DTD1: variants seen among roughly 807,000 people sequenced by gnomAD.
DTD1 encodes D-tyrosyl-tRNA deacylase 1 homolog.
DTD1 carries 13 observed loss-of-function variants against 25.6 expected under a neutral mutation model. The observed-to-expected ratio is 0.51, with a 90% CI of 0.33 to 0.81. DTD1 has a LOEUF of 0.81. DTD1 is among the 30% of genes least tolerant of loss of function. The pLI, the probability that DTD1 is intolerant of heterozygous loss-of-function variation, is 0.02. For missense variants in DTD1, 193 were observed against 266.4 expected, an observed-to-expected ratio of 0.72 and a Z score of 1.92; for synonymous variants, 110 against 103.6, an observed-to-expected ratio of 1.06 and a Z score of -0.37.
intron 3 of DTD1, among the ~76,000 whole-genome samples, chr20:18,600,742 A>G (rs997386042): frequency 6.6e-6 from 1 of 152,208 alleles, no homozygotes; most frequent in South Asian, 2.1e-4. Flanking sequence ...AACATGGAAT[A>G]TCTCTCCATT....
At chr20:18,663,123 T>C (rs936876218) in intron 4 of DTD1, among the ~76,000 whole-genome samples, 5 of 152,148 alleles carry the variant, frequency 3.3e-5, no homozygotes, top group Non-Finnish European at 7.4e-5. Flanking sequence ...GGCTTTTCCT[T>C]TGAAAAGGTC....
intron 4 of DTD1, among the ~76,000 whole-genome samples, chr20:18,648,318 A>T (rs1346256593): frequency 6.6e-6 from 1 of 152,132 alleles, no homozygotes; most frequent in African/African-American, 2.4e-5. Flanking sequence ...GAAAATTCCC[A>T]GTGCATAGGC....
In DTD1 at chr20:18,596,245, A is replaced by G. The variant is rs778740662; in HGVS notation, c.370+4A>G. ...TACAGGCCGGAGCTTATCAAAGGTA[A>G]GCAGGAGAGCCACATCCAGGAACGG... On this transcript the variant is annotated splice_donor_region_variant and intron_variant, in intron 3 of 5. Coordinates refer to ENST00000377452, the MANE Select transcript of DTD1 (RefSeq NM_080820.6). The G allele has an allele frequency of 4.3e-6, 7 of 1,612,226 alleles. No homozygotes were observed. Among genetic ancestry groups the G allele is most frequent in the East Asian group, 2.2e-5 (1 of 44,860 alleles).
intron 5 of DTD1, among the ~76,000 whole-genome samples, chr20:18,757,511 C>T (rs1196715131): frequency 6.6e-6 from 1 of 152,208 alleles, no homozygotes; most frequent in Non-Finnish European, 1.5e-5. Flanking sequence ...AAGGCCTGTT[C>T]TGCATCTATT....
chr20:18,665,580 A>T (rs891776341), intron 4 of DTD1, among the ~76,000 whole-genome samples: 1 of 152,228 alleles, frequency 6.6e-6, no homozygotes, highest in Non-Finnish European at 1.5e-5. Flanking sequence ...CTGAGTTACA[A>T]CTGACAAGTG....
chr20:18,724,301 G>A (rs1005315688), intron 4 of DTD1, among the ~76,000 whole-genome samples: 5 of 152,158 alleles, frequency 3.3e-5, no homozygotes, highest in African/African-American at 9.7e-5. Context: ...AGGCACATGG[G>A]TACCTCCCAC....
chr20:18,598,430 A>G (rs1600307423), intron 3 of DTD1, among the ~76,000 whole-genome samples: 2 of 152,212 alleles, frequency 1.3e-5, no homozygotes, highest in African/African-American at 2.4e-5. Flanking sequence ...AAGTGCTGCA[A>G]TAAACATACG....
chr20:18,727,761 T>G (rs1466073332), intron 4 of DTD1, among the ~76,000 whole-genome samples: 2 of 152,218 alleles, frequency 1.3e-5, no homozygotes, highest in Non-Finnish European at 1.5e-5. Flanking sequence ...ATGTGACCTT[T>G]GTGCATGGCT....
intron 4 of DTD1, among the ~76,000 whole-genome samples, chr20:18,719,175 G>A (rs1201172865): frequency 6.6e-6 from 1 of 152,082 alleles, no homozygotes; most frequent in Non-Finnish European, 1.5e-5. Flanking sequence ...CCATCTTAAA[G>A]TTGAATAATC....
chr20:18,659,978 A>G (rs1427662880), intron 4 of DTD1, among the ~76,000 whole-genome samples: 3 of 152,148 alleles, frequency 2.0e-5, no homozygotes, highest in Non-Finnish European at 1.5e-5. Context: ...TCACATCTGT[A>G]ATCCCAGCAC....
intron 4 of DTD1, among the ~76,000 whole-genome samples, chr20:18,676,725 G>A (rs2060976689): frequency 6.6e-6 from 1 of 152,146 alleles, no homozygotes; most frequent in African/African-American, 2.4e-5. Flanking sequence ...TTCACCGACG[G>A]CTGCTGCTTG....
intron 3 of DTD1, among the ~76,000 whole-genome samples, chr20:18,600,309 C>CT (rs930667353): frequency 2.0e-5 from 3 of 152,104 alleles, no homozygotes; most frequent in African/African-American, 7.2e-5. Flanking sequence ...TCTAGAGGCG[C>CT]TTTTTTGTAT....
chr20:18,701,764 C>G (rs2061106088), intron 4 of DTD1, among the ~76,000 whole-genome samples: 1 of 152,226 alleles, frequency 6.6e-6, no homozygotes, highest in Non-Finnish European at 1.5e-5. Flanking sequence ...CTAACTGACA[C>G]ATGAATGTTC....
chr20:18,712,680 C>T (rs1397314052), intron 4 of DTD1, among the ~76,000 whole-genome samples: 1 of 152,174 alleles, frequency 6.6e-6, no homozygotes, highest in Non-Finnish European at 1.5e-5. Context: ...CAAAGGTCCC[C>T]AGTGGAAATA....
intron 4 of DTD1, among the ~76,000 whole-genome samples, chr20:18,704,867 C>T (rs1293217052): frequency 2.6e-5 from 4 of 152,062 alleles, no homozygotes; most frequent in Non-Finnish European, 5.9e-5. Context: ...GAAGCATGTC[C>T]GGAAGCATAC....
chr20:18,684,516 A>G (rs945849185), intron 4 of DTD1, among the ~76,000 whole-genome samples: 2 of 151,994 alleles, frequency 1.3e-5, no homozygotes, highest in Admixed American at 1.3e-4. Flanking sequence ...TGAACTCCTG[A>G]CCTCAAGTTT....
chr20:18,733,272 C>T (rs1373309074), intron 4 of DTD1, among the ~76,000 whole-genome samples: 1 of 152,174 alleles, frequency 6.6e-6, no homozygotes, highest in Non-Finnish European at 1.5e-5. Context: ...CTGGACACTT[C>T]TGGCCTGCCC....
intron 4 of DTD1, among the ~76,000 whole-genome samples, chr20:18,720,985 A>C (rs1160175593): frequency 6.6e-6 from 1 of 152,212 alleles, no homozygotes; most frequent in East Asian, 1.9e-4. Context: ...TGTGACCTGC[A>C]GATTCCTTTG....
chr20:18,754,424 C>T (rs908847723), intron 5 of DTD1, among the ~76,000 whole-genome samples: 2 of 152,232 alleles, frequency 1.3e-5, no homozygotes, highest in Non-Finnish European at 2.9e-5. Flanking sequence ...TGTCCCCAGC[C>T]TCTGGGTCAT....
Sources: allele counts gnomAD v4.1 joint callset (sites outside exome capture counted in the v4.1 genomes callset), GRCh38; gene constraint gnomAD v4.1.1; transcripts MANE v1.5; gene names NCBI Gene and HGNC (gene_info 2026-07-23, HGNC 2026-07-21).